Variants in ATP11B observed in about 807,000 individuals in gnomAD.
The protein encoded by ATP11B is ATPase phospholipid transporting 11B (putative).
ATP11B carries 81 observed loss-of-function variants against 157.8 expected under a neutral mutation model. That is an observed-to-expected ratio of 0.51 (90% CI 0.43 to 0.62). The LOEUF is 0.62. ATP11B is among the 20% of genes least tolerant of loss of function. The pLI is 0.00. For synonymous variants in ATP11B, 451 were observed against 469.4 expected (o/e 0.96, Z 0.51); for missense variants, 1,165 against 1,402.2 (o/e 0.83, Z 2.70).
chr3:182,897,499 C>A (rs1723636492), intron 27 of ATP11B, 93 bp downstream of exon 27: 1 of 887,318 alleles, frequency 1.1e-6, no homozygotes, highest in Non-Finnish European at 1.7e-6. Context: ...CTGCTCATAA[C>A]AGATTTCAGA....
Position 182,793,672 on chromosome 3 carries a change from C to A in ATP11B, c.-88C>A. ...AAGCGGAACTTCGGCCCGAGGGGCTCGCCCGCTCCCGCCTCTGTCTTGTCG... is the reference window on the plus strand; with the variant it reads ...AAGCGGAACTTCGGCCCGAGGGGCTAGCCCGCTCCCGCCTCTGTCTTGTCG... On this transcript the variant is annotated 5_prime_UTR_variant, in exon 1 of 30. Transcript: ENST00000323116. 2 of 884,616 alleles carry A rather than the reference C, an allele frequency of 2.3e-6. No individual in the cohort carries two copies. Among genetic ancestry groups the A allele is most frequent in the Non-Finnish European group, 3.2e-6 (2 of 622,858 alleles). The allele number at this position is 884,616 out of a possible 1,614,324, so 54.8% of individuals were successfully genotyped here.
chr3:182,854,993 C>G (rs895866519), intron 10 of ATP11B, among the ~76,000 whole-genome samples: 9 of 152,206 alleles, frequency 5.9e-5, no homozygotes, highest in African/African-American at 2.2e-4. Flanking sequence ...TGCCAGATTT[C>G]CCAAATCGAT....
intron 1 of ATP11B, among the ~76,000 whole-genome samples, chr3:182,807,546 G>A (rs572138334): frequency 1.3e-5 from 2 of 152,108 alleles, no homozygotes; most frequent in African/African-American, 4.8e-5. Context: ...AAATTCCTTG[G>A]GAGCTCAAAA....
At chr3:182,888,420 A>AAGAG (rs773724246) in intron 24 of ATP11B, among the ~76,000 whole-genome samples, 17 of 152,194 alleles carry the variant, frequency 1.1e-4, no homozygotes, top group Admixed American at 2.6e-4. Flanking sequence ...CCTCACTAAA[A>AAGAG]AGAGACCATT....
chr3:182,906,321 G>A (rs1163286593), intron 28 of ATP11B, among the ~76,000 whole-genome samples: 1 of 152,088 alleles, frequency 6.6e-6, no homozygotes, highest in Non-Finnish European at 1.5e-5. Context: ...TCTTAATATA[G>A]TTGGATACTG....
intron 22 of ATP11B, 133 bp downstream of exon 22, chr3:182,885,031 C>G: frequency 1.7e-6 from 1 of 578,034 alleles, no homozygotes; most frequent in Non-Finnish European, 2.7e-6. Context: ...TGTCATAAAT[C>G]TATTCTATAC....
chr3:182,868,157 A>G (rs1440545417), intron 15 of ATP11B, among the ~76,000 whole-genome samples: 2 of 152,016 alleles, frequency 1.3e-5, no homozygotes, highest in Non-Finnish European at 2.9e-5. Flanking sequence ...CTCACTGAAT[A>G]AAGAAAACTT....
intron 27 of ATP11B, 56 bp downstream of exon 27, chr3:182,897,462 TGTG>T: frequency 8.3e-7 from 1 of 1,204,268 alleles, no homozygotes; most frequent in Non-Finnish European, 1.2e-6. Context: ...AAACATTTAT[TGTG>T]ATAGGTTACA....
Position 182,921,516 on chromosome 3 carries a change from AT to A in ATP11B, c.*3413del, listed in dbSNP as rs1725490748. On this transcript the variant is annotated 3_prime_UTR_variant, in exon 30 of 30. Coordinates refer to ENST00000323116, the MANE Select transcript of ATP11B (RefSeq NM_014616.3). ...TGAGACACTGTGGCTGTCTAATGTA[AT>A]CCTTTAAAAATTCTCTGCATTGTCA... is the stretch of plus-strand genomic sequence containing the variant. The A allele has an allele frequency of 6.6e-6, 1 of 152,214 alleles. No homozygotes were observed. Among genetic ancestry groups the A allele is most frequent in the African/African-American group, 2.4e-5 (1 of 41,448 alleles). The allele number at this position is 152,214 out of a possible 1,614,324, so 9.4% of individuals were successfully genotyped here.
rs532919083 is a variant in ATP11B at position 182,898,737 on chromosome 3, C to T, written c.3283C>T (p.Arg1095Ter). ...FLDIIKKVFD[R>*]HLHPTSTEKA... is the part of the protein sequence containing the mutation. ...TGATATCATAAAGAAGGTCTTTGACCGACACCTCCACCCTACAAGTACTGA... is the reference window on the plus strand; with the variant it reads ...TGATATCATAAAGAAGGTCTTTGACTGACACCTCCACCCTACAAGTACTGA... Residue 1095 changes from arginine to a stop codon, truncating the protein, a stop_gained, in exon 28 of 30, where the codon CGA (arginine) becomes TGA (stop). Transcript: ENST00000323116. LOFTEE classifies it high-confidence loss of function. The T allele has an allele frequency of 5.7e-6, 9 of 1,584,962 alleles. No homozygotes were observed. The highest frequency in any genetic ancestry group is 4.1e-5 in the African/African-American group (3 of 73,936).
chr3:182,842,475 G>A (rs984962731), intron 8 of ATP11B, among the ~76,000 whole-genome samples: 2 of 152,114 alleles, frequency 1.3e-5, no homozygotes, highest in African/African-American at 2.4e-5. Flanking sequence ...CTCCCTGGGC[G>A]TGCCACTCTC....
At chr3:182,806,212 T>G (rs1716321068) in intron 1 of ATP11B, among the ~76,000 whole-genome samples, 1 of 152,218 alleles carries the variant, frequency 6.6e-6, no homozygotes, top group African/African-American at 2.4e-5. Flanking sequence ...TGACATTTAT[T>G]ATTGCTGTTA....
intron 1 of ATP11B, among the ~76,000 whole-genome samples, chr3:182,799,697 TAAA>T (rs894086780): frequency 2.0e-5 from 3 of 152,206 alleles, no homozygotes; most frequent in Non-Finnish European, 4.4e-5. Context: ...GTGTATTTTT[TAAA>T]AAATATCAAA....
chr3:182,816,891 G>C (rs972301160), intron 1 of ATP11B, among the ~76,000 whole-genome samples: 1 of 152,076 alleles, frequency 6.6e-6, no homozygotes, highest in Non-Finnish European at 1.5e-5. Context: ...TATTTAGATT[G>C]TGGCTAGTTT....
At chr3:182,847,859 G>C (rs1381259079) in intron 9 of ATP11B, among the ~76,000 whole-genome samples, 1 of 152,178 alleles carries the variant, frequency 6.6e-6, no homozygotes. Context: ...AAAGTTTTTT[G>C]ATAAGCTGGT....
intron 27 of ATP11B, among the ~76,000 whole-genome samples, 189 bp from the exon 28 acceptor site, chr3:182,898,418 A>G (rs774125066): frequency 6.6e-6 from 1 of 152,156 alleles, no homozygotes; most frequent in Non-Finnish European, 1.5e-5. Flanking sequence ...AATAAAAACT[A>G]TAGTTGTTTT....
chr3:182,867,343 TA>T, intron 14 of ATP11B, 32 bp from the exon 15 acceptor site: 1 of 1,328,284 alleles, frequency 7.5e-7, no homozygotes, highest in Non-Finnish European at 1.1e-6. Context: ...TATTATTTCT[TA>T]AGTCTCACTT....
At chr3:182,798,641 A>G (rs1479216728) in intron 1 of ATP11B, among the ~76,000 whole-genome samples, 2 of 152,232 alleles carry the variant, frequency 1.3e-5, no homozygotes, top group African/African-American at 4.8e-5. Flanking sequence ...AAAGAGCCTT[A>G]TGATTACCAT....
chr3:182,801,649 C>G (rs1716022104), intron 1 of ATP11B, among the ~76,000 whole-genome samples: 1 of 152,174 alleles, frequency 6.6e-6, no homozygotes, highest in Non-Finnish European at 1.5e-5. Context: ...GATTTTGAAG[C>G]AAATCCCAGA....
Sources: allele counts gnomAD v4.1 joint callset (sites outside exome capture counted in the v4.1 genomes callset), GRCh38; gene constraint gnomAD v4.1.1; transcripts MANE v1.5; gene names NCBI Gene and HGNC (gene_info 2026-07-23, HGNC 2026-07-21).